The following KDM4B variants were observed in gnomAD, a reference collection of about 807,000 sequenced individuals.
KDM4B encodes the protein lysine demethylase 4B.
Under a neutral mutation model 125.2 loss-of-function variants are expected in KDM4B, and 32 were observed. The ratio of observed to expected loss-of-function variants is 0.26; its 90% CI spans 0.19 to 0.34. The LOEUF (loss-of-function observed/expected upper bound fraction) is 0.34. Among genes scored for constraint, KDM4B ranks in the 10% least tolerant of loss-of-function variants. KDM4B has a pLI of 1.00. For missense variants in KDM4B, 1,190 were observed against 1,577.7 expected (o/e 0.75, Z 4.16); for synonymous variants, 721 against 677.9 (o/e 1.06, Z -0.99).
intron 11 of KDM4B, among the ~76,000 whole-genome samples, chr19:5,124,568 A>G (rs888434968): frequency 2.0e-5 from 3 of 152,180 alleles, no homozygotes; most frequent in Admixed American, 2.0e-4. Context: ...GTTTTACCCA[A>G]CTGGCTAGCA....
intron 7 of KDM4B, chr19:5,075,913 G>A (rs2038091888): frequency 1.3e-5 from 2 of 154,576 alleles, no homozygotes; most frequent in Admixed American, 1.3e-4. Flanking sequence ...TGTGTGGGGG[G>A]GCAGGTGCAC....
intron 11 of KDM4B, among the ~76,000 whole-genome samples, chr19:5,121,812 G>T (rs1225910297): frequency 6.6e-6 from 1 of 152,108 alleles, no homozygotes; most frequent in Non-Finnish European, 1.5e-5. Context: ...AGGGTTTGCT[G>T]ATTTAAATGC....
chr19:5,071,259 G>T (rs766315032), intron 7 of KDM4B, among the ~76,000 whole-genome samples, 200 bp downstream of exon 7: 1 of 152,218 alleles, frequency 6.6e-6, no homozygotes, highest in Non-Finnish European at 1.5e-5. Flanking sequence ...CCCTTCTGCC[G>T]CGCAGTTTGT....
intron 10 of KDM4B, chr19:5,119,322 G>A: frequency 1.2e-6 from 1 of 826,714 alleles, no homozygotes; most frequent in Non-Finnish European, 1.9e-6. Flanking sequence ...GGCACACGCG[G>A]CTCCTGCCGC....
Position 5,114,530 on chromosome 19 carries a change from G to A in KDM4B, c.1115+3712G>A. The A allele has an allele frequency of 2.8e-6, 1 of 351,930 alleles. No individual in the cohort carries two copies. The highest frequency in any genetic ancestry group is 7.6e-5 in the East Asian group (1 of 13,186). 21.8% of individuals were successfully genotyped at this position (351,930 alleles called of 1,614,324 possible). A position where few individuals can be genotyped will look rare whatever the true frequency, so the allele number is the denominator to read the frequency against. On this transcript the variant is annotated intron_variant, in intron 10 of 22. Coordinates refer to ENST00000159111, the MANE Select transcript of KDM4B (RefSeq NM_015015.3). The surrounding 1 kb of genome is among the most constrained non-coding windows in gnomAD (Gnocchi z 5.8). ...ACCTCACGAGCACAGGGACCTGCCA[G>A]CCCCTGCAGGGAGTGCGCAGCCTCA...
chr19:5,129,220 G>A (rs1389374657), intron 11 of KDM4B, among the ~76,000 whole-genome samples: 1 of 152,208 alleles, frequency 6.6e-6, no homozygotes, highest in African/African-American at 2.4e-5. Flanking sequence ...TCCACTCCTG[G>A]GGGAGGCTGT....
At chr19:5,051,337 C>T (rs1237947031) in intron 6 of KDM4B, among the ~76,000 whole-genome samples, 1 of 152,264 alleles carries the variant, frequency 6.6e-6, no homozygotes, top group East Asian at 1.9e-4. Flanking sequence ...CAGTCCTGTG[C>T]ACCCATGTGC....
chr19:5,051,020 C>T (rs2037204708), intron 6 of KDM4B, among the ~76,000 whole-genome samples: 1 of 152,236 alleles, frequency 6.6e-6, no homozygotes, highest in South Asian at 2.1e-4. Flanking sequence ...ATCCCCTCCC[C>T]AACCTGCACC....
chr19:5,139,739 C>T (rs2039708744), intron 18 of KDM4B, among the ~76,000 whole-genome samples: 1 of 152,250 alleles, frequency 6.6e-6, no homozygotes, highest in African/African-American at 2.4e-5. Context: ...GTCTGTTCTG[C>T]TCCTTCGCCC....
rs934166276 is a variant in KDM4B at position 5,035,053 on chromosome 19, G to A, written c.141+2022G>A. The stretch of plus-strand genomic sequence containing the variant: ...GGCACATCTGTGTCCGGGTCAGAAC[G>A]GTGGGGGCTGCTGCCGTCCCGGCTT... On this transcript the variant is annotated intron_variant, in intron 3 of 22. Coordinates refer to ENST00000159111, the MANE Select transcript of KDM4B (RefSeq NM_015015.3). This position sits in a 1 kb window ranked among gnomAD's most constrained non-coding sequence, Gnocchi z 5.3. Among the ~76,000 whole-genome samples, 3 of 152,180 alleles carry A rather than the reference G, an allele frequency of 2.0e-5. No homozygotes were observed. The highest frequency in any genetic ancestry group is 4.8e-5 in the African/African-American group (2 of 41,440).
intron 1 of KDM4B, among the ~76,000 whole-genome samples, chr19:4,994,480 T>A (rs1316687142): frequency 6.7e-6 from 1 of 149,894 alleles, no homozygotes; most frequent in Non-Finnish European, 1.5e-5. Context: ...GGAGAATCGC[T>A]TGAACCCGGG....
intron 6 of KDM4B, among the ~76,000 whole-genome samples, chr19:5,053,975 T>G (rs1294289554): frequency 6.6e-6 from 1 of 152,254 alleles, no homozygotes; most frequent in Non-Finnish European, 1.5e-5. Flanking sequence ...TCCTTCGTGG[T>G]CACCTGTCCC....
chr19:5,070,824 T>G, intron 6 of KDM4B, 186 bp from the exon 7 acceptor site: 2 of 531,432 alleles, frequency 3.8e-6, no homozygotes, highest in South Asian at 5.2e-5. Flanking sequence ...CCCACCTCGC[T>G]TCCTTACGGA....
chr19:5,108,394 C>T (rs1359280130), intron 9 of KDM4B, among the ~76,000 whole-genome samples: 1 of 152,202 alleles, frequency 6.6e-6, no homozygotes, highest in Non-Finnish European at 1.5e-5. Flanking sequence ...AATATTCCCT[C>T]CTGCTCAGCA....
intron 2 of KDM4B, among the ~76,000 whole-genome samples, chr19:5,032,349 C>A (rs2036484697): frequency 6.6e-6 from 1 of 152,210 alleles, no homozygotes; most frequent in Admixed American, 6.5e-5. Context: ...CCTGCTAGGG[C>A]CTGAGTTCTG....
At chr19:5,088,409 C>G (rs773662578) in intron 9 of KDM4B, among the ~76,000 whole-genome samples, 1 of 152,174 alleles carries the variant, frequency 6.6e-6, no homozygotes, top group African/African-American at 2.4e-5. Flanking sequence ...CCATATCACT[C>G]GGACACCACG....
chr19:5,107,470 A>G (rs896611435), intron 9 of KDM4B, among the ~76,000 whole-genome samples: 1 of 152,144 alleles, frequency 6.6e-6, no homozygotes, highest in Non-Finnish European at 1.5e-5. Context: ...GAGAGTGGGG[A>G]GCTAGACAGG....
At position 5,137,696 on chromosome 19, in the gene KDM4B, G is replaced by T; in HGVS notation, c.2441+20G>T. On this transcript the variant is annotated intron_variant, in intron 17 of 22. Coordinates refer to ENST00000159111, the MANE Select transcript of KDM4B (RefSeq NM_015015.3). ...TAGGAGGTGGGTGGCACCGCGCGTT[G>T]GGGCTGGAGGGCCGGAGGGGAGCCT... The T allele has an allele frequency of 6.4e-7, 1 of 1,564,546 alleles. No homozygotes were observed.
At chr19:5,148,372 G>A (rs2613791) in intron 21 of KDM4B, among the ~76,000 whole-genome samples, 45,292 of 152,060 alleles carry the variant, frequency 0.3, 6,902 homozygotes, top group East Asian at 0.47. Flanking sequence ...ACTTGGACCC[G>A]GCAGTGTGAG....
Sources: gnomAD v4.1 joint callset for allele counts (sites outside exome capture counted in the v4.1 genomes callset) on GRCh38, gnomAD v4.1.1 for gene constraint, Gnocchi (gnomAD v3.1) non-coding constraint, MANE v1.5 for transcripts, NCBI Gene and HGNC (gene_info 2026-07-23, HGNC 2026-07-21) for gene names.